The following MEIS2 variants were observed in gnomAD, a reference collection of about 807,000 sequenced individuals.
MEIS2 encodes Meis homeobox 2, also known as homeobox protein Meis2.
Under a neutral mutation model 58.6 loss-of-function variants are expected in MEIS2, and 9 were observed. The observed-to-expected ratio is 0.15, with a 90% CI of 0.09 to 0.27. The LOEUF (loss-of-function observed/expected upper bound fraction) is 0.27, where lower values mean the gene tolerates loss of function less well. MEIS2 is among the 10% of genes least tolerant of loss of function. MEIS2 has a pLI of 1.00. For missense variants in MEIS2, 427 were observed against 635.0 expected, an observed-to-expected ratio of 0.67 and a Z score of 3.52; for synonymous variants, 221 against 228.4, an observed-to-expected ratio of 0.97 and a Z score of 0.29.
chr15:36,953,603 T>G (rs1334821362), intron 8 of MEIS2, among the ~76,000 whole-genome samples: 1 of 152,196 alleles, frequency 6.6e-6, no homozygotes, highest in Non-Finnish European at 1.5e-5. Flanking sequence ...AGAGCCAGCA[T>G]AGGTTAAACT....
chr15:36,974,119 T>C (rs2141478203), intron 8 of MEIS2, among the ~76,000 whole-genome samples: 1 of 152,308 alleles, frequency 6.6e-6, no homozygotes, highest in East Asian at 1.9e-4. Flanking sequence ...TACAGATAAA[T>C]TCTTGTCTGG....
Position 36,891,836 on chromosome 15 carries a change from T to A in MEIS2, c.*337A>T, listed in dbSNP as rs2055875722. ...ATAGTGTGGAAAACAAGGATATATT[T>A]TTTTTTCTCTTCTAAAACTATTTGA... On this transcript the variant is annotated 3_prime_UTR_variant, in exon 12 of 12. Transcript: ENST00000561208. 3.2e-6 allele frequency: 1 copy of A among 316,166 alleles called. No individual in the cohort carries two copies. Among genetic ancestry groups the A allele is most frequent in the African/African-American group, 2.2e-5 (1 of 44,922 alleles). 19.6% of individuals were successfully genotyped at this position (316,166 alleles called of 1,614,324 possible). A position where few individuals can be genotyped will look rare whatever the true frequency, so the allele number is the denominator to read the frequency against.
chr15:37,079,610 A>T (rs138387100), intron 7 of MEIS2, among the ~76,000 whole-genome samples: 294 of 152,264 alleles, frequency 1.9e-3, no homozygotes, highest in African/African-American at 6.8e-3. Flanking sequence ...TATCTTAGAC[A>T]TTTGCTTACC....
At chr15:36,924,646 A>C (rs2057668764) in intron 9 of MEIS2, among the ~76,000 whole-genome samples, 1 of 152,168 alleles carries the variant, frequency 6.6e-6, no homozygotes. Context: ...GAGGCACCGA[A>C]CTTGACCATG....
intron 8 of MEIS2, among the ~76,000 whole-genome samples, chr15:37,022,293 C>T (rs999777697): frequency 2.6e-5 from 4 of 152,164 alleles, no homozygotes; most frequent in African/African-American, 9.7e-5. Context: ...TTTTTATTCT[C>T]AGTTTCCACC....
At chr15:37,079,155 T>C (rs1053809500) in intron 7 of MEIS2, among the ~76,000 whole-genome samples, 1 of 152,132 alleles carries the variant, frequency 6.6e-6, no homozygotes, top group South Asian at 2.1e-4. Context: ...GAAAATGCAA[T>C]GTAAATAGTC....
rs563702441 is a variant in MEIS2, at chr15:36,950,317, C to A, written c.977+7G>T. 10 of 1,606,686 alleles carry A rather than the reference C, an allele frequency of 6.2e-6. No individual in the cohort carries two copies. The East Asian group carries it at 2.2e-4, about 36-fold the overall frequency. On this transcript the variant is annotated splice_region_variant and intron_variant, in intron 9 of 11. Coordinates refer to ENST00000561208, the MANE Select transcript of MEIS2 (RefSeq NM_170675.5). ...GGGAGAAAGACATTGATTTTTGGGTCACTCACCAGTTGTTTACTTGGAGAA... is the reference window on the plus strand; with the variant it reads ...GGGAGAAAGACATTGATTTTTGGGTAACTCACCAGTTGTTTACTTGGAGAA...
chr15:37,049,355 G>A (rs1397910155), intron 7 of MEIS2, among the ~76,000 whole-genome samples: 3 of 152,068 alleles, frequency 2.0e-5, no homozygotes, highest in South Asian at 2.1e-4. Flanking sequence ...TCCTAAAATC[G>A]GCTGTGTTGA....
intron 8 of MEIS2, among the ~76,000 whole-genome samples, chr15:36,961,223 C>T (rs978950847): frequency 1.3e-5 from 2 of 151,956 alleles, no homozygotes; most frequent in East Asian, 1.9e-4. Flanking sequence ...TGTATATAGA[C>T]GAAATCAACT....
chr15:36,894,699 G>C, intron 11 of MEIS2: 1 of 1,565,330 alleles, frequency 6.4e-7, no homozygotes. Flanking sequence ...AAGACAGATC[G>C]CACCCGACTG....
rs939961360 is a variant in MEIS2, at chr15:37,100,458, T to G, written c.-992A>C. 4 of 152,352 alleles carry G rather than the reference T, an allele frequency of 2.6e-5. No homozygotes were observed. The highest frequency in any genetic ancestry group is 5.9e-5 in the Non-Finnish European group (4 of 68,170). The allele number at this position is 152,352 out of a possible 1,614,324, so 9.4% of individuals were successfully genotyped here. On this transcript the variant is annotated 5_prime_UTR_variant, in exon 1 of 12. An upstream start codon of the reference 5' UTR is lost. Coordinates refer to ENST00000561208, the MANE Select transcript of MEIS2 (RefSeq NM_170675.5). ...CGGAACCCGGAAGTCGTGGTGGCCATAGCCCGTCGTACGGCGGAGACACAT... is the reference window on the plus strand; with the variant it reads ...CGGAACCCGGAAGTCGTGGTGGCCAGAGCCCGTCGTACGGCGGAGACACAT...
chr15:36,969,899 T>C (rs554039233), intron 8 of MEIS2, among the ~76,000 whole-genome samples: 17 of 152,190 alleles, frequency 1.1e-4, no homozygotes, highest in African/African-American at 3.9e-4. Flanking sequence ...TTTTTGGCTT[T>C]TTTTTTCTTT....
intron 8 of MEIS2, among the ~76,000 whole-genome samples, chr15:37,009,882 A>T (rs2061071111): frequency 1.3e-5 from 2 of 152,228 alleles, no homozygotes; most frequent in African/African-American, 2.4e-5. Context: ...GATATGAATT[A>T]AAAAACTAAA....
At position 37,064,727 on chromosome 15, in the gene MEIS2, A is replaced by T. The variant is rs921135484; in HGVS notation, c.754+19044T>A. On this transcript the variant is annotated intron_variant, in intron 7 of 11. Coordinates refer to ENST00000561208, the MANE Select transcript of MEIS2 (RefSeq NM_170675.5). ...CGCATGGGAAAATGGATTGGATTGG[A>T]GTATCAAAAGCCATTGTCTTTAAGA... Among the ~76,000 whole-genome samples the T allele has an allele frequency of 2.0e-5, 3 of 152,334 alleles. No homozygotes were observed. The East Asian group carries it at 5.8e-4, about 29-fold the overall frequency.
chr15:37,051,118 T>C (rs2062900526), intron 7 of MEIS2, among the ~76,000 whole-genome samples: 5 of 152,240 alleles, frequency 3.3e-5, no homozygotes, highest in Admixed American at 3.3e-4. Context: ...CAATGCTTTA[T>C]ACTTATTAAC....
intron 7 of MEIS2, among the ~76,000 whole-genome samples, chr15:37,081,739 C>T (rs992030624): frequency 2.0e-5 from 3 of 152,174 alleles, no homozygotes; most frequent in South Asian, 2.1e-4. Flanking sequence ...TACTCATACA[C>T]ATAAGCTACC....
chr15:37,029,284 T>C (rs1595961707), intron 8 of MEIS2, among the ~76,000 whole-genome samples: 2 of 152,352 alleles, frequency 1.3e-5, no homozygotes, highest in African/African-American at 4.8e-5. Context: ...CTCACTTGCA[T>C]GCATGTGAAC....
chr15:36,998,009 T>C (rs771792336), intron 8 of MEIS2, among the ~76,000 whole-genome samples: 12 of 152,140 alleles, frequency 7.9e-5, no homozygotes, highest in Non-Finnish European at 1.3e-4. Flanking sequence ...TTCTTCCACA[T>C]GGAAATCCTT....
intron 8 of MEIS2, among the ~76,000 whole-genome samples, chr15:36,963,245 T>C (rs147690142): frequency 0.029 from 4,347 of 152,210 alleles, 169 homozygotes; most frequent in East Asian, 0.17. Flanking sequence ...CCGGGCATGG[T>C]GGCAGGCACC....
Sources: allele counts gnomAD v4.1 joint callset (sites outside exome capture counted in the v4.1 genomes callset), GRCh38; gene constraint gnomAD v4.1.1; transcripts MANE v1.5; gene names NCBI Gene and HGNC (gene_info 2026-07-23, HGNC 2026-07-21).